The following SLC24A3 variants were observed in gnomAD, a reference collection of about 807,000 sequenced individuals.
The protein encoded by SLC24A3 is solute carrier family 24 member 3.
A neutral mutation model predicts 75.8 loss-of-function variants in SLC24A3; 28 were observed. That is an observed-to-expected ratio of 0.37 (90% CI 0.27 to 0.51). The LOEUF (loss-of-function observed/expected upper bound fraction) is 0.51, where lower values mean the gene tolerates loss of function less well. SLC24A3 is among the 20% of genes least tolerant of loss of function. The pLI is 0.94. For synonymous variants in SLC24A3, 372 were observed against 334.1 expected (o/e 1.11, Z -1.24); for missense variants, 663 against 847.8 (o/e 0.78, Z 2.71).
intron 15 of SLC24A3, among the ~76,000 whole-genome samples, chr20:19,708,594 G>A (rs922046765): frequency 2.6e-5 from 4 of 152,306 alleles, no homozygotes; most frequent in Admixed American, 2.0e-4. Context: ...TTCCTCTGGC[G>A]ATGCCACGTT....
chr20:19,214,616 T>C (rs1171240301), intron 1 of SLC24A3, among the ~76,000 whole-genome samples: 1 of 152,024 alleles, frequency 6.6e-6, no homozygotes, highest in Non-Finnish European at 1.5e-5. Flanking sequence ...ATGTGACTCA[T>C]ATAGTTAAGT....
chr20:19,471,162 G>T (rs1204733084), intron 2 of SLC24A3, among the ~76,000 whole-genome samples: 2 of 152,146 alleles, frequency 1.3e-5, no homozygotes, highest in African/African-American at 4.8e-5. Flanking sequence ...CAGAGTAAGA[G>T]GGGAGCCCCC....
rs888790794 is a variant in SLC24A3, at chr20:19,557,631, T to C, written c.349-22369T>C. Among the ~76,000 whole-genome samples the C allele has an allele frequency of 2.6e-5, 4 of 152,212 alleles. No homozygotes were observed. In the South Asian group the frequency reaches 8.3e-4, roughly 32 times the overall value. On this transcript the variant is annotated intron_variant, in intron 3 of 16. Transcript: ENST00000328041. ...TTCTTTTCTCTATTACTTTGGGTTT[T>C]GAGGTCAGTAAGAATGCAGCACAGT...
chr20:19,642,125 C>T (rs2032082078), intron 6 of SLC24A3, among the ~76,000 whole-genome samples: 1 of 152,124 alleles, frequency 6.6e-6, no homozygotes, highest in Non-Finnish European at 1.5e-5. Flanking sequence ...ACTTAAGAAC[C>T]AATTGTTAAA....
At chr20:19,578,191 C>T (rs1380102413) in intron 3 of SLC24A3, among the ~76,000 whole-genome samples, 3 of 152,134 alleles carry the variant, frequency 2.0e-5, no homozygotes, top group Non-Finnish European at 2.9e-5. Flanking sequence ...CTATTATTGG[C>T]TCATGAAATT....
intron 1 of SLC24A3, among the ~76,000 whole-genome samples, chr20:19,267,153 T>C (rs1411057820): frequency 6.6e-6 from 1 of 152,162 alleles, no homozygotes; most frequent in Non-Finnish European, 1.5e-5. Context: ...TATGGTAGTA[T>C]CTTATTGAGA....
chr20:19,598,629 T>C lies in SLC24A3; in HGVS notation c.612+13085T>C, dbSNP rs910080897. ...TCCCACAGTGAAATTGTGACTGCAG[T>C]TGGGGCATGGAAAATTAGAATTAGG... On this transcript the variant is annotated intron_variant, in intron 6 of 16. Transcript: ENST00000328041. 5.3e-5 allele frequency among the ~76,000 whole-genome samples: 8 copies of C among 152,080 alleles called. No homozygotes were observed. The South Asian group carries it at 1.7e-3, about 32-fold the overall frequency.
At chr20:19,622,550 G>A (rs2031817473) in intron 6 of SLC24A3, among the ~76,000 whole-genome samples, 1 of 152,150 alleles carries the variant, frequency 6.6e-6, no homozygotes, top group Non-Finnish European at 1.5e-5. Flanking sequence ...CATTCTTGGA[G>A]TCTGTGTCGA....
intron 2 of SLC24A3, among the ~76,000 whole-genome samples, chr20:19,397,150 A>G (rs906145055): frequency 6.6e-6 from 1 of 152,212 alleles, no homozygotes; most frequent in African/African-American, 2.4e-5. Context: ...GTCTCAATGT[A>G]AACATATCAT....
At chr20:19,492,346 C>G (rs538326146) in intron 2 of SLC24A3, among the ~76,000 whole-genome samples, 8 of 152,204 alleles carry the variant, frequency 5.3e-5, no homozygotes, top group Non-Finnish European at 1.0e-4. Context: ...AGATTATTTT[C>G]CTTTCTGAAT....
At chr20:19,605,940 A>G (rs1342491926) in intron 6 of SLC24A3, among the ~76,000 whole-genome samples, 1 of 152,130 alleles carries the variant, frequency 6.6e-6, no homozygotes, top group Non-Finnish European at 1.5e-5. Flanking sequence ...GCCAATTCTG[A>G]CACCCAGCCC....
intron 3 of SLC24A3, among the ~76,000 whole-genome samples, chr20:19,571,248 AG>A (rs1193261676): frequency 6.6e-6 from 1 of 152,170 alleles, no homozygotes; most frequent in African/African-American, 2.4e-5. Context: ...CTGGAATCTC[AG>A]TATAGCCCTG....
intron 2 of SLC24A3, among the ~76,000 whole-genome samples, chr20:19,510,379 A>G (rs1372664833): frequency 6.6e-6 from 1 of 152,132 alleles, no homozygotes; most frequent in African/African-American, 2.4e-5. Context: ...CCTCCACCCC[A>G]TGCCCCACTG....
At chr20:19,399,161 G>T (rs1158743324) in intron 2 of SLC24A3, among the ~76,000 whole-genome samples, 1 of 152,026 alleles carries the variant, frequency 6.6e-6, no homozygotes, top group Non-Finnish European at 1.5e-5. Context: ...TGTCTGAATA[G>T]TTATCATTTT....
chr20:19,366,944 C>T (rs202218661), intron 2 of SLC24A3, among the ~76,000 whole-genome samples: 2 of 152,110 alleles, frequency 1.3e-5, no homozygotes, highest in African/African-American at 4.8e-5. Context: ...AGTGGCTCAA[C>T]CCCAAGTGCT....
chr20:19,378,289 T>A (rs1424485536), intron 2 of SLC24A3, among the ~76,000 whole-genome samples: 42 of 148,302 alleles, frequency 2.8e-4, no homozygotes, highest in South Asian at 8.6e-4. Flanking sequence ...GAGGTTTTTT[T>A]AAAAAAAAAA....
At chr20:19,503,636 G>A (rs913862954) in intron 2 of SLC24A3, among the ~76,000 whole-genome samples, 2 of 152,158 alleles carry the variant, frequency 1.3e-5, no homozygotes, top group Non-Finnish European at 2.9e-5. Flanking sequence ...TTAAGGAGGG[G>A]GCCAGAGGTG....
intron 8 of SLC24A3, among the ~76,000 whole-genome samples, chr20:19,669,275 G>A (rs1421584195): frequency 6.6e-6 from 1 of 152,216 alleles, no homozygotes; most frequent in Non-Finnish European, 1.5e-5. Flanking sequence ...GCTGAGGCAG[G>A]TGGATCACTT....
intron 2 of SLC24A3, among the ~76,000 whole-genome samples, chr20:19,392,028 T>A (rs115809385): frequency 6.6e-6 from 1 of 152,200 alleles, no homozygotes; most frequent in African/African-American, 2.4e-5. Context: ...TCTAACTTCA[T>A]GAGACCAGTG....
Sources: gnomAD v4.1 joint callset for allele counts (sites outside exome capture counted in the v4.1 genomes callset) on GRCh38, gnomAD v4.1.1 for gene constraint, MANE v1.5 for transcripts, NCBI Gene and HGNC (gene_info 2026-07-23, HGNC 2026-07-21) for gene names.